Variants in CNTN4 observed in about 807,000 individuals in gnomAD.
The protein encoded by CNTN4 is contactin-4.
CNTN4 carries 77 observed loss-of-function variants against 122.5 expected under a neutral mutation model. The observed-to-expected ratio is 0.63, with a 90% confidence interval of 0.52 to 0.76. CNTN4 has a LOEUF of 0.76. Ranked by LOEUF, CNTN4 falls within the 30% of genes least tolerant of loss-of-function variation. The pLI is 0.00. For missense variants in CNTN4, 1,256 were observed against 1,259.1 expected, an observed-to-expected ratio of 1.00 and a Z score of 0.04; for synonymous variants, 512 against 447.0, an observed-to-expected ratio of 1.15 and a Z score of -1.83.
At chr3:2,207,026 A>C (rs74602858) in intron 2 of CNTN4, among the ~76,000 whole-genome samples, 270 of 133,794 alleles carry the variant, frequency 2.0e-3, no homozygotes, top group African/African-American at 6.2e-3. Flanking sequence ...CTTTCTTCTT[A>C]TTATTATATT....
At chr3:2,177,469 G>C (rs6442719) in intron 2 of CNTN4, among the ~76,000 whole-genome samples, 151,790 of 152,250 alleles carry the variant, frequency 1, 75,667 homozygotes, top group East Asian at 1. Flanking sequence ...TCTTGAGGCT[G>C]CTTCCTGAAT....
At position 2,866,836 on chromosome 3, in the gene CNTN4, A is replaced by G. The variant is rs1179212808; in HGVS notation, c.539A>G (p.Tyr180Cys). 1.9e-6 allele frequency: 3 copies of G among 1,613,868 alleles called. No individual in the cohort carries two copies. Among genetic ancestry groups the G allele is most frequent in the African/African-American group, 1.3e-5 (1 of 74,918 alleles). The part of the protein sequence containing the change: ...RFVSQETGNL[Y>C]IAKVEKSDVG... Reference sequence around the variant, plus strand: ...GTTTCTCAAGAGACTGGGAATCTGTATATTGCCAAAGTAGAAAAATCAGAT... The same window carrying G: ...GTTTCTCAAGAGACTGGGAATCTGTGTATTGCCAAAGTAGAAAAATCAGAT... Residue 180 changes from tyrosine to cysteine, a missense_variant, in exon 8 of 25, where the codon TAT becomes TGT. Coordinates refer to ENST00000418658, the MANE Select transcript of CNTN4 (RefSeq NM_175607.3).
At chr3:2,670,883 T>C (rs1006070472) in intron 4 of CNTN4, among the ~76,000 whole-genome samples, 1 of 152,188 alleles carries the variant, frequency 6.6e-6, no homozygotes, top group Admixed American at 6.5e-5. Context: ...GAAATTCTGG[T>C]TTGAAAATTC....
At chr3:2,971,931 G>C (rs1692965272) in intron 13 of CNTN4, among the ~76,000 whole-genome samples, 1 of 152,126 alleles carries the variant, frequency 6.6e-6, no homozygotes, top group Admixed American at 6.6e-5. Context: ...GTGGAGATAG[G>C]TATTAAGAAA....
chr3:2,250,139 T>A (rs1048051508), intron 2 of CNTN4, among the ~76,000 whole-genome samples: 1 of 152,016 alleles, frequency 6.6e-6, no homozygotes, highest in Non-Finnish European at 1.5e-5. Flanking sequence ...CTTTATAATT[T>A]AACTTTTCTA....
chr3:2,889,582 ATT>A (rs554539448), intron 10 of CNTN4, among the ~76,000 whole-genome samples: 13 of 152,044 alleles, frequency 8.6e-5, no homozygotes, highest in Non-Finnish European at 1.8e-4. Flanking sequence ...TGTAATAATT[ATT>A]TTTTCTATAT....
chr3:2,510,336 G>T (rs1196195696), intron 3 of CNTN4, among the ~76,000 whole-genome samples: 1 of 144,780 alleles, frequency 6.9e-6, no homozygotes, highest in South Asian at 2.2e-4. Flanking sequence ...AGAAAACTAA[G>T]ACTCACAAAG....
chr3:2,777,891 G>T (rs1308293397), intron 6 of CNTN4, among the ~76,000 whole-genome samples: 3 of 151,906 alleles, frequency 2.0e-5, no homozygotes, highest in African/African-American at 4.8e-5. Flanking sequence ...CAATAGTTTT[G>T]TTTCTCAGTA....
At chr3:2,652,895 C>G (rs2083429589) in intron 4 of CNTN4, among the ~76,000 whole-genome samples, 2 of 151,984 alleles carry the variant, frequency 1.3e-5, no homozygotes, top group South Asian at 4.1e-4. Context: ...TATTTTATTC[C>G]TCTGAATATT....
intron 2 of CNTN4, among the ~76,000 whole-genome samples, chr3:2,156,405 C>T (rs1429787508): frequency 6.6e-6 from 1 of 152,158 alleles, no homozygotes; most frequent in East Asian, 1.9e-4. Context: ...AATGGTCCCG[C>T]GCCTTCCTCA....
rs550554981 is a variant in CNTN4, at chr3:2,474,341, A to G, written c.-88-97075A>G. Among the ~76,000 whole-genome samples the G allele has an allele frequency of 5.9e-5, 9 of 152,294 alleles. No homozygotes were observed. In the South Asian group the frequency reaches 8.3e-4, roughly 14 times the overall value. ...ATGCCTAGCACTTCTTGAACACTCA[A>G]TAAACTTTTGATTAATTAGTGAATT... On this transcript the variant is annotated intron_variant, in intron 3 of 24. Coordinates refer to ENST00000418658, the MANE Select transcript of CNTN4 (RefSeq NM_175607.3).
At position 2,359,764 on chromosome 3, in the gene CNTN4, C is replaced by G. The variant is rs187539151; in HGVS notation, c.-89+20531C>G. 2.0e-5 allele frequency among the ~76,000 whole-genome samples: 3 copies of G among 152,262 alleles called. No homozygotes were observed. In the East Asian group the frequency reaches 5.8e-4, roughly 30 times the overall value. ...TCGTCTTAGCCAGGAAGGTCTCTATCTCCTGACCTCGTGATCCACCCGCCT... is the reference window on the plus strand; with the variant it reads ...TCGTCTTAGCCAGGAAGGTCTCTATGTCCTGACCTCGTGATCCACCCGCCT... On this transcript the variant is annotated intron_variant, in intron 3 of 24. Coordinates refer to ENST00000418658, the MANE Select transcript of CNTN4 (RefSeq NM_175607.3).
At chr3:2,581,078 G>A (rs2616583) in intron 4 of CNTN4, among the ~76,000 whole-genome samples, 79,341 of 152,002 alleles carry the variant, frequency 0.52, 21,613 homozygotes, top group East Asian at 0.7. Flanking sequence ...CAGCATCATT[G>A]TCATCTGGCA....
intron 2 of CNTN4, among the ~76,000 whole-genome samples, chr3:2,257,546 A>G (rs1483660334): frequency 2.0e-5 from 3 of 152,196 alleles, no homozygotes; most frequent in Non-Finnish European, 4.4e-5. Context: ...CATCTGAAAA[A>G]GGGCTAATAC....
chr3:2,245,425 T>C (rs369323078), intron 2 of CNTN4, among the ~76,000 whole-genome samples: 2 of 152,160 alleles, frequency 1.3e-5, no homozygotes, highest in South Asian at 2.1e-4. Flanking sequence ...TCACAATTCA[T>C]AGATTCTCAG....
chr3:2,869,291 C>A (rs1248173296), intron 8 of CNTN4, among the ~76,000 whole-genome samples: 1 of 151,924 alleles, frequency 6.6e-6, no homozygotes, highest in Non-Finnish European at 1.5e-5. Flanking sequence ...CAGAATACTA[C>A]TGCAATTAAT....
At chr3:2,949,587 A>C (rs757927187) in intron 13 of CNTN4, among the ~76,000 whole-genome samples, 6 of 152,124 alleles carry the variant, frequency 3.9e-5, no homozygotes, top group Non-Finnish European at 5.9e-5. Flanking sequence ...GAATTTTCCT[A>C]TGGGCAGGAC....
At chr3:2,425,550 G>T (rs982425940) in intron 3 of CNTN4, among the ~76,000 whole-genome samples, 30 of 152,278 alleles carry the variant, frequency 2.0e-4, no homozygotes, top group African/African-American at 7.0e-4. Context: ...TCTTGGCAAT[G>T]TGGGCTCTTT....
chr3:2,920,863 G>T (rs1431389973), intron 12 of CNTN4, among the ~76,000 whole-genome samples: 1 of 152,090 alleles, frequency 6.6e-6, no homozygotes, highest in Non-Finnish European at 1.5e-5. Context: ...GCCCGTGGAA[G>T]AAGCATTATT....
Sources: allele counts gnomAD v4.1 joint callset (sites outside exome capture counted in the v4.1 genomes callset), GRCh38; gene constraint gnomAD v4.1.1; transcripts MANE v1.5; gene names NCBI Gene and HGNC (gene_info 2026-07-23, HGNC 2026-07-21).